Variants in DCAF10 observed in about 807,000 individuals in gnomAD.
DCAF10 encodes DDB1- and CUL4-associated factor 10.
DCAF10 carries 19 observed loss-of-function variants against 51.9 expected under a neutral mutation model. The ratio of observed to expected loss-of-function variants is 0.37; its 90% confidence interval spans 0.26 to 0.54. DCAF10 has a LOEUF of 0.54. Ranked by LOEUF, DCAF10 falls within the 20% of genes least tolerant of loss-of-function variation. The probability of loss-of-function intolerance (pLI) is 0.87; values close to 1 mark genes in which losing one functional copy is unlikely to be tolerated. For synonymous variants in DCAF10, 291 were observed against 297.1 expected (o/e 0.98, Z 0.21); for missense variants, 510 against 730.6 (o/e 0.70, Z 3.48).
At chr9:37,848,928 A>T (rs1431794615) in intron 3 of DCAF10, among the ~76,000 whole-genome samples, 8 of 149,756 alleles carry the variant, frequency 5.3e-5, no homozygotes, top group African/African-American at 1.7e-4. Context: ...AGTCAAGATC[A>T]CGCCACTGCT....
Position 37,861,335 on chromosome 9 carries a change from C to A in DCAF10, c.1507C>A (p.Gln503Lys). The A allele has an allele frequency of 1.2e-6, 2 of 1,614,184 alleles. No homozygotes were observed. Among genetic ancestry groups the A allele is most frequent in the Non-Finnish European group, 1.7e-6 (2 of 1,180,026 alleles). Reference protein sequence around the residue: ...YGIRLLGFDKQCSELVDCLPK... With the variant: ...YGIRLLGFDKKCSELVDCLPK... ...GATTCGCTTGTTGGGATTTGACAAA[C>A]AGTGCAGTGAACTTGTTGACTGCTT... Residue 503 changes from glutamine to lysine, a missense_variant, in exon 7 of 7, where the codon CAG becomes AAG. Physicochemically the swap from Gln to Lys is moderately conservative, Grantham distance 53 (BLOSUM62 1). Around this residue, in one of 4 missense-constraint regions of DCAF10, gnomAD observed 104 missense variants for 206.2 expected, o/e 0.50. Transcript: ENST00000377724. The surrounding 1 kb of genome is among the most constrained non-coding windows in gnomAD (Gnocchi z 4.9).
chr9:37,849,753 G>T (rs927033094), intron 3 of DCAF10, among the ~76,000 whole-genome samples: 1 of 152,010 alleles, frequency 6.6e-6, no homozygotes, highest in African/African-American at 2.4e-5. Flanking sequence ...TGTGGCAGGT[G>T]CCTGTAATCC....
chr9:37,830,442 A>C (rs1172201436), intron 2 of DCAF10, among the ~76,000 whole-genome samples: 3 of 152,214 alleles, frequency 2.0e-5, no homozygotes, highest in African/African-American at 4.8e-5. Flanking sequence ...AAACAATACT[A>C]TAAAGTGTTT....
intron 2 of DCAF10, among the ~76,000 whole-genome samples, chr9:37,837,497 ATAGGTAAATATTTTTCTTTAC>A (rs1030977324): frequency 6.6e-6 from 1 of 151,408 alleles, no homozygotes; most frequent in African/African-American, 2.4e-5. Flanking sequence ...TGTGCAAAGC[ATAGGTAAATATTTTTCTTTAC>A]TAAGCTTCTC....
At chr9:37,837,776 G>T (rs1014417203) in intron 2 of DCAF10, among the ~76,000 whole-genome samples, 3 of 151,592 alleles carry the variant, frequency 2.0e-5, no homozygotes, top group Non-Finnish European at 4.4e-5. Flanking sequence ...CCCTTAAACT[G>T]CATTGCCTGT....
chr9:37,811,462 T>C (rs77252114), intron 1 of DCAF10, among the ~76,000 whole-genome samples: 19,470 of 152,020 alleles, frequency 0.13, 1,407 homozygotes, highest in Non-Finnish European at 0.16. Context: ...CAGCAAACAA[T>C]AGAAATAGAC....
chr9:37,833,699 T>C (rs1830067114), intron 2 of DCAF10, among the ~76,000 whole-genome samples: 1 of 152,182 alleles, frequency 6.6e-6, no homozygotes, highest in South Asian at 2.1e-4. Context: ...GAGACACAGA[T>C]TTCAGTGTGT....
At chr9:37,836,304 G>C in intron 2 of DCAF10, 2 of 1,604,074 alleles carry the variant, frequency 1.2e-6, no homozygotes, top group Non-Finnish European at 1.7e-6. Flanking sequence ...GGTTGCCATG[G>C]AAGTAACAAA....
At chr9:37,841,208 A>G (rs1241542741) in intron 2 of DCAF10, among the ~76,000 whole-genome samples, 1 of 152,196 alleles carries the variant, frequency 6.6e-6, no homozygotes, top group East Asian at 1.9e-4. Context: ...AACGCCTGGT[A>G]TTTGAAAACC....
At chr9:37,812,582 A>C (rs763350667) in intron 1 of DCAF10, among the ~76,000 whole-genome samples, 1 of 152,226 alleles carries the variant, frequency 6.6e-6, no homozygotes, top group Non-Finnish European at 1.5e-5. Context: ...GAGGTACAGG[A>C]AAGAATGAAA....
At chr9:37,844,582 T>C (rs771690660) in intron 3 of DCAF10, among the ~76,000 whole-genome samples, 5 of 151,792 alleles carry the variant, frequency 3.3e-5, no homozygotes, top group Non-Finnish European at 7.4e-5. Context: ...ACCCAGGAGG[T>C]AGAGGTTGCC....
Position 37,861,046 on chromosome 9 carries a change from C to T in DCAF10, c.1312-94C>T. On this transcript the variant is annotated intron_variant, in intron 6 of 6. Transcript: ENST00000377724. The surrounding 1 kb of genome is among the most constrained non-coding windows in gnomAD (Gnocchi z 4.9). ...GTGATTTCTTGTAAAAATTCTGTGG[C>T]TTTGGCAATCTGTTGAGCTTTTTAA... 1 of 1,473,012 alleles carries T rather than the reference C, an allele frequency of 6.8e-7. No individual in the cohort carries two copies. Among genetic ancestry groups the T allele is most frequent in the Non-Finnish European group, 9.0e-7 (1 of 1,109,790 alleles). 91.2% of individuals were successfully genotyped at this position (1,473,012 alleles called of 1,614,324 possible). A position where few individuals can be genotyped will look rare whatever the true frequency, so the allele number is the denominator to read the frequency against.
At chr9:37,852,268 C>T (rs1830677508) in intron 3 of DCAF10, among the ~76,000 whole-genome samples, 2 of 152,124 alleles carry the variant, frequency 1.3e-5, no homozygotes, top group African/African-American at 4.8e-5. Flanking sequence ...GAAACAACGA[C>T]CTAAAATTAT....
intron 1 of DCAF10, among the ~76,000 whole-genome samples, chr9:37,816,030 G>T (rs1237353971): frequency 2.0e-5 from 3 of 152,134 alleles, no homozygotes; most frequent in African/African-American, 7.2e-5. Flanking sequence ...CTGAGCTCAA[G>T]TAATCTTTCC....
intron 2 of DCAF10, among the ~76,000 whole-genome samples, chr9:37,826,214 A>AC (rs1265066282): frequency 6.6e-6 from 1 of 152,212 alleles, no homozygotes; most frequent in African/African-American, 2.4e-5. Flanking sequence ...CAGGAGGGCA[A>AC]CCCCAGTAGA....
chr9:37,836,544 A>C (rs896387263), intron 2 of DCAF10: 1 of 740,428 alleles, frequency 1.4e-6, no homozygotes, highest in African/African-American at 1.8e-5. Flanking sequence ...AGCTGAGAGC[A>C]GGGAATGGAA....
Position 37,800,917 on chromosome 9 carries a change from C to T in DCAF10, c.51C>T (p.Ala17=), listed in dbSNP as rs774021560. 8.7e-6 allele frequency: 13 copies of T among 1,496,090 alleles called. No individual in the cohort carries two copies. The highest frequency in any genetic ancestry group is 8.5e-5 in the African/African-American group (6 of 70,274). The allele number at this position is 1,496,090 out of a possible 1,614,324, so 92.7% of individuals were successfully genotyped here. A position where few individuals can be genotyped will look rare whatever the true frequency, so the allele number is the denominator to read the frequency against. Reference sequence around the variant, plus strand: ...CTGGAGGGGACGGATCGGCCGGAGCCGGGGCTGAGGAGCCGACGCCCCACG... The same window carrying T: ...CTGGAGGGGACGGATCGGCCGGAGCTGGGGCTGAGGAGCCGACGCCCCACG... ...HSPGGDGSAG[A]GAEEPTPHEG... The change falls in exon 1 of 7, where the codon GCC becomes GCT. Residue 17 remains alanine, a synonymous_variant. Transcript: ENST00000377724.
intron 1 of DCAF10, among the ~76,000 whole-genome samples, chr9:37,815,857 G>T (rs999358613): frequency 2.6e-5 from 4 of 152,064 alleles, no homozygotes; most frequent in African/African-American, 9.7e-5. Context: ...GCAGTGGCAT[G>T]ATTATAGCTC....
intron 1 of DCAF10, among the ~76,000 whole-genome samples, chr9:37,802,545 GA>G (rs908621074): frequency 6.6e-6 from 1 of 151,562 alleles, no homozygotes; most frequent in Admixed American, 6.6e-5. Context: ...TACAGGAGGT[GA>G]AAAAAAATAG....
Sources: allele counts gnomAD v4.1 joint callset (sites outside exome capture counted in the v4.1 genomes callset), GRCh38; gene constraint gnomAD v4.1.1; regional missense constraint gnomAD v4.1.1; non-coding constraint Gnocchi (gnomAD v3.1); transcripts MANE v1.5; gene names NCBI Gene and HGNC (gene_info 2026-07-23, HGNC 2026-07-21).